The following KHDRBS2 variants were observed in gnomAD, a reference collection of about 807,000 sequenced individuals.
The protein encoded by KHDRBS2 is KH RNA binding domain containing, signal transduction associated 2.
Under a neutral mutation model 44.3 loss-of-function variants are expected in KHDRBS2, and 26 were observed. That is an observed-to-expected ratio of 0.59 (90% CI 0.43 to 0.81). The LOEUF is 0.81. KHDRBS2 is among the 40% of genes least tolerant of loss of function. KHDRBS2 has a pLI of 0.00. For synonymous variants in KHDRBS2, 194 were observed against 151.1 expected (o/e 1.28, Z -2.08); for missense variants, 476 against 433.1 (o/e 1.10, Z -0.88).
At chr6:61,902,295 A>G (rs767156991) in intron 4 of KHDRBS2, among the ~76,000 whole-genome samples, 10 of 152,318 alleles carry the variant, frequency 6.6e-5, no homozygotes, top group Non-Finnish European at 1.2e-4. Context: ...GAGTTCCAGT[A>G]TTAGGCTAAG....
the KHDRBS2 span, among the ~76,000 whole-genome samples, chr6:61,588,043 A>G: frequency 2.0e-5 from 3 of 152,200 alleles, no homozygotes; most frequent in African/African-American, 7.2e-5. Flanking sequence ...TCTAAGCCAG[A>G]CACCGTGGCA....
intron 4 of KHDRBS2, among the ~76,000 whole-genome samples, chr6:61,908,559 G>A (rs1272036321): frequency 4.6e-5 from 7 of 151,230 alleles, no homozygotes; most frequent in East Asian, 1.9e-4. Context: ...GCATGAACCC[G>A]GCAGGCGGAG....
intron 6 of KHDRBS2, among the ~76,000 whole-genome samples, chr6:61,893,095 A>T (rs968615887): frequency 6.6e-6 from 1 of 152,228 alleles, no homozygotes; most frequent in Non-Finnish European, 1.5e-5. Context: ...AAAGGATATG[A>T]ACAGACACTT....
intron 3 of KHDRBS2, among the ~76,000 whole-genome samples, chr6:62,018,448 C>T (rs755921052): frequency 6.6e-6 from 1 of 152,102 alleles, no homozygotes; most frequent in Non-Finnish European, 1.5e-5. Context: ...CCCAGTTTCA[C>T]GCCATTCTCC....
At chr6:61,566,302 G>A in the KHDRBS2 span, among the ~76,000 whole-genome samples, 3 of 152,080 alleles carry the variant, frequency 2.0e-5, no homozygotes, top group African/African-American at 7.2e-5. Flanking sequence ...TTAGATAGTA[G>A]GAGTGAGAAC....
chr6:61,577,741 T>A, the KHDRBS2 span, among the ~76,000 whole-genome samples: 1 of 152,182 alleles, frequency 6.6e-6, no homozygotes. Flanking sequence ...GAAATAGTAT[T>A]CTTACAGTAA....
the KHDRBS2 span, among the ~76,000 whole-genome samples, chr6:61,559,734 C>T: frequency 6.6e-6 from 1 of 152,058 alleles, no homozygotes; most frequent in Non-Finnish European, 1.5e-5. Flanking sequence ...ACTTTTTAAA[C>T]TTTTTGTTGT....
chr6:61,786,465 TC>T (rs1783825530), intron 6 of KHDRBS2, among the ~76,000 whole-genome samples: 1 of 151,916 alleles, frequency 6.6e-6, no homozygotes, highest in African/African-American at 2.4e-5. Flanking sequence ...AATTAAAATA[TC>T]CATAATTTTG....
At chr6:62,255,387 C>T (rs1389422688) in intron 1 of KHDRBS2, among the ~76,000 whole-genome samples, 1 of 151,908 alleles carries the variant, frequency 6.6e-6, no homozygotes, top group African/African-American at 2.4e-5. Flanking sequence ...ATTCTAAGCA[C>T]TAATTAATTG....
chr6:61,985,245 T>A (rs1252651456), intron 3 of KHDRBS2, among the ~76,000 whole-genome samples: 2 of 152,362 alleles, frequency 1.3e-5, no homozygotes, highest in Non-Finnish European at 2.9e-5. Context: ...GTAATATGGG[T>A]TAGCCTCAAC....
chr6:62,173,181 A>T (rs1034166669), intron 2 of KHDRBS2, among the ~76,000 whole-genome samples: 1 of 151,720 alleles, frequency 6.6e-6, no homozygotes, highest in South Asian at 2.1e-4. Flanking sequence ...ATAAACCACT[A>T]GCTAGACTAA....
intron 1 of KHDRBS2, among the ~76,000 whole-genome samples, chr6:62,182,305 G>C (rs1322534866): frequency 6.6e-6 from 1 of 151,982 alleles, no homozygotes; most frequent in Non-Finnish European, 1.5e-5. Context: ...CGGGGACTGA[G>C]AGAAGGAGGA....
intron 2 of KHDRBS2, among the ~76,000 whole-genome samples, chr6:62,118,035 C>T (rs547722229): frequency 6.6e-6 from 1 of 152,242 alleles, no homozygotes; most frequent in Non-Finnish European, 1.5e-5. Flanking sequence ...CTTGGCCTCC[C>T]GAAGTGTTGA....
At chr6:61,566,093 A>G in the KHDRBS2 span, among the ~76,000 whole-genome samples, 1,102 of 152,154 alleles carry the variant, frequency 7.2e-3, 13 homozygotes, top group African/African-American at 0.025. Flanking sequence ...TCACAATGCC[A>G]TGGATGGAAC....
chr6:61,830,838 A>G (rs1791677665), intron 6 of KHDRBS2, among the ~76,000 whole-genome samples: 1 of 152,228 alleles, frequency 6.6e-6, no homozygotes, highest in Non-Finnish European at 1.5e-5. Context: ...TAAAGTAAAC[A>G]TGATATTAGT....
chr6:62,058,494 C>T (rs2127322785), intron 2 of KHDRBS2, among the ~76,000 whole-genome samples: 1 of 151,974 alleles, frequency 6.6e-6, no homozygotes, highest in African/African-American at 2.4e-5. Flanking sequence ...TACTTTAGTG[C>T]TCTATCCTTG....
At chr6:61,655,224 A>C in the KHDRBS2 span, among the ~76,000 whole-genome samples, 1 of 106,362 alleles carries the variant, frequency 9.4e-6, no homozygotes, top group Non-Finnish European at 2.1e-5. Context: ...ACATACATAC[A>C]TACACACACA....
At chr6:61,924,090 A>T (rs1046736277) in intron 4 of KHDRBS2, among the ~76,000 whole-genome samples, 2 of 152,138 alleles carry the variant, frequency 1.3e-5, no homozygotes, top group Non-Finnish European at 2.9e-5. Flanking sequence ...TGGCAACAAC[A>T]TTAAAGACTT....
intron 4 of KHDRBS2, among the ~76,000 whole-genome samples, chr6:61,942,686 A>T (rs926268641): frequency 2.0e-5 from 3 of 152,152 alleles, no homozygotes; most frequent in Non-Finnish European, 2.9e-5. Context: ...AGCATTTCCA[A>T]GTCTAGCGAG....
Sources: allele counts gnomAD v4.1 joint callset (sites outside exome capture counted in the v4.1 genomes callset), GRCh38; gene constraint gnomAD v4.1.1; transcripts MANE v1.5; gene names NCBI Gene and HGNC (gene_info 2026-07-23, HGNC 2026-07-21).